SPMIP3: variants seen among roughly 807,000 people sequenced by gnomAD.
The protein encoded by SPMIP3 is protein SPMIP3.
the SPMIP3 span, among the ~76,000 whole-genome samples, chr1:244,365,043 G>C: frequency 6.6e-6 from 1 of 152,232 alleles, no homozygotes; most frequent in South Asian, 2.1e-4. Context: ...GGGTAGCAGT[G>C]AGATGAGATG....
At chr1:244,356,335 C>A in the SPMIP3 span, among the ~76,000 whole-genome samples, 5 of 152,118 alleles carry the variant, frequency 3.3e-5, no homozygotes, top group African/African-American at 1.2e-4. Context: ...ACGAATGGGT[C>A]AATTTTATTA....
the SPMIP3 span, chr1:244,378,748 AGTTGGAGGCATGGATATGT>A: frequency 8.2e-7 from 1 of 1,215,930 alleles, no homozygotes. Context: ...GGACCAGTCG[AGTTGGAGGCATGGATATGT>A]GTGTGTGTGT....
the SPMIP3 span, among the ~76,000 whole-genome samples, chr1:244,382,930 T>A: frequency 1.3e-5 from 2 of 151,526 alleles, no homozygotes; most frequent in South Asian, 4.2e-4. Flanking sequence ...CACTGCTAAA[T>A]GGAGGGGAAA....
At chr1:244,375,622 T>A in the SPMIP3 span, 1 of 517,178 alleles carries the variant, frequency 1.9e-6, no homozygotes, top group Admixed American at 3.4e-5. Context: ...TATACCAAAC[T>A]GTTAATGTTT....
At chr1:244,354,037 T>C in the SPMIP3 span, among the ~76,000 whole-genome samples, 1 of 152,138 alleles carries the variant, frequency 6.6e-6, no homozygotes. Context: ...TGAGCACAGA[T>C]GCAACACTTA....
chr1:244,378,789 A>T, the SPMIP3 span: 102 of 877,506 alleles, frequency 1.2e-4, no homozygotes, highest in Non-Finnish European at 1.7e-4. Flanking sequence ...TCTGGGGTGC[A>T]GGAAGAATTT....
the SPMIP3 span, among the ~76,000 whole-genome samples, chr1:244,383,236 G>A: frequency 6.6e-6 from 1 of 152,208 alleles, no homozygotes; most frequent in Non-Finnish European, 1.5e-5. Context: ...CCATGGATGG[G>A]TGTGGTGGTG....
the SPMIP3 span, among the ~76,000 whole-genome samples, chr1:244,360,979 A>T: frequency 6.6e-6 from 1 of 152,122 alleles, no homozygotes; most frequent in Non-Finnish European, 1.5e-5. Flanking sequence ...ACAGAAAGAC[A>T]AATATTGCTT....
At chr1:244,375,982 C>T in the SPMIP3 span, among the ~76,000 whole-genome samples, 1 of 152,056 alleles carries the variant, frequency 6.6e-6, no homozygotes, top group South Asian at 2.1e-4. Flanking sequence ...GCACTTTGAC[C>T]TTATTTTGTG....
At chr1:244,380,123 CTT>C in the SPMIP3 span, among the ~76,000 whole-genome samples, 1 of 115,546 alleles carries the variant, frequency 8.7e-6, no homozygotes, top group Admixed American at 9.1e-5. Context: ...CAGAGTTTTT[CTT>C]TTTTTTTTTT....
At chr1:244,380,402 G>A in the SPMIP3 span, among the ~76,000 whole-genome samples, 2 of 152,146 alleles carry the variant, frequency 1.3e-5, no homozygotes, top group African/African-American at 2.4e-5. Context: ...TTACAGGCGT[G>A]AGCCACTGCA....
the SPMIP3 span, among the ~76,000 whole-genome samples, chr1:244,367,851 T>C: frequency 6.6e-6 from 1 of 152,230 alleles, no homozygotes; most frequent in South Asian, 2.1e-4. Context: ...GAGCAAACGC[T>C]GTGGGGAGAC....
the SPMIP3 span, among the ~76,000 whole-genome samples, chr1:244,353,075 G>A: frequency 2.6e-5 from 4 of 152,162 alleles, no homozygotes. Flanking sequence ...TTAGCTGATC[G>A]ATTGATTTAT....
chr1:244,373,331 A>AAT, the SPMIP3 span, among the ~76,000 whole-genome samples: 17 of 39,672 alleles, frequency 4.3e-4, 1 homozygote, highest in African/African-American at 1.7e-3. Context: ...ACAAAAAAAA[A>AAT]TTATATATAT....
the SPMIP3 span, among the ~76,000 whole-genome samples, chr1:244,387,293 G>A: frequency 6.7e-5 from 10 of 148,748 alleles, no homozygotes; most frequent in South Asian, 6.3e-4. Flanking sequence ...GTACGACTCC[G>A]TCTGAAAAAA....
the SPMIP3 span, among the ~76,000 whole-genome samples, chr1:244,363,504 T>C: frequency 2.0e-5 from 3 of 151,844 alleles, no homozygotes; most frequent in East Asian, 1.9e-4. Context: ...GGGGCTAACA[T>C]AGAGAATGAA....
the SPMIP3 span, chr1:244,352,702 C>T: frequency 6.6e-6 from 1 of 152,234 alleles, no homozygotes; most frequent in East Asian, 1.9e-4. Context: ...CTTTTAAGAA[C>T]AAGGAGGTCT....
the SPMIP3 span, among the ~76,000 whole-genome samples, chr1:244,373,880 A>G: frequency 2.6e-5 from 4 of 152,016 alleles, no homozygotes; most frequent in East Asian, 5.8e-4. Flanking sequence ...TTGGGAGGCC[A>G]AGGTGGGCGG....
the SPMIP3 span, among the ~76,000 whole-genome samples, chr1:244,354,641 A>G: frequency 7.9e-5 from 12 of 152,214 alleles, no homozygotes; most frequent in Non-Finnish European, 1.3e-4. Flanking sequence ...GATTACAGGC[A>G]TAAGCCACCA....
Sources: allele counts gnomAD v4.1 joint callset (sites outside exome capture counted in the v4.1 genomes callset), GRCh38; gene constraint gnomAD v4.1.1; transcripts MANE v1.5; gene names NCBI Gene and HGNC (gene_info 2026-07-23, HGNC 2026-07-21).